The following DCC variants were observed in gnomAD, a reference collection of about 807,000 sequenced individuals.
The protein encoded by DCC is netrin receptor DCC.
Under a neutral mutation model 172.5 loss-of-function variants are expected in DCC, and 58 were observed. That is an observed-to-expected ratio of 0.34 (90% CI 0.27 to 0.42). The LOEUF (loss-of-function observed/expected upper bound fraction) is 0.42, where lower values mean the gene tolerates loss of function less well. Ranked by LOEUF, DCC falls within the 10% of genes least tolerant of loss-of-function variation. The pLI, the probability that DCC is intolerant of heterozygous loss-of-function variation, is 1.00. For missense variants in DCC, 1,740 were observed against 1,791.0 expected (o/e 0.97, Z 0.51); for synonymous variants, 709 against 644.5 (o/e 1.10, Z -1.52).
intron 1 of DCC, among the ~76,000 whole-genome samples, chr18:52,428,972 G>A (rs553734030): frequency 3.3e-5 from 5 of 151,984 alleles, no homozygotes; most frequent in Admixed American, 6.6e-5. Context: ...AAATATGCAC[G>A]TGGATGAATA....
At chr18:53,451,714 T>TCTCTCG (rs2045415731) in intron 23 of DCC, among the ~76,000 whole-genome samples, 1 of 151,458 alleles carries the variant, frequency 6.6e-6, no homozygotes, top group Non-Finnish European at 1.5e-5. Context: ...GCTCTTGCTC[T>TCTCTCG]CTCTCTCTCT....
At chr18:53,115,972 A>AG (rs2043403355) in intron 7 of DCC, among the ~76,000 whole-genome samples, 1 of 151,430 alleles carries the variant, frequency 6.6e-6, no homozygotes, top group Non-Finnish European at 1.5e-5. Context: ...AGCGGGGTTG[A>AG]GGGGGGTGCT....
At chr18:52,689,691 G>A (rs2035900035) in intron 1 of DCC, among the ~76,000 whole-genome samples, 1 of 152,052 alleles carries the variant, frequency 6.6e-6, no homozygotes, top group Admixed American at 6.6e-5. Context: ...AGAAAATATA[G>A]AAATAAATAG....
Position 53,306,719 on chromosome 18 carries a change from T to C in DCC, c.2053+1000T>C, listed in dbSNP as rs532741152. 7.2e-5 allele frequency among the ~76,000 whole-genome samples: 11 copies of C among 152,336 alleles called. No individual in the cohort carries two copies. In the South Asian group the frequency reaches 2.3e-3, roughly 32 times the overall value. ...GGTGTCTTTTTGTCAATCAACATTT[T>C]ATGTGATGGTGGCTTGGCCTAGGGT... is the stretch of plus-strand genomic sequence containing the variant. On this transcript the variant is annotated intron_variant, in intron 13 of 28. Coordinates refer to ENST00000442544, the MANE Select transcript of DCC (RefSeq NM_005215.4).
intron 15 of DCC, among the ~76,000 whole-genome samples, chr18:53,356,283 G>T (rs1190410889): frequency 6.6e-6 from 1 of 151,856 alleles, no homozygotes; most frequent in African/African-American, 2.4e-5. Flanking sequence ...CACTTTCATT[G>T]TTCATGTCTA....
intron 1 of DCC, among the ~76,000 whole-genome samples, chr18:52,721,979 G>A (rs1276658569): frequency 6.6e-6 from 1 of 152,122 alleles, no homozygotes; most frequent in Non-Finnish European, 1.5e-5. Flanking sequence ...AGCCGAGATT[G>A]CATCACTGCA....
intron 14 of DCC, among the ~76,000 whole-genome samples, chr18:53,332,184 G>A (rs2057535942): frequency 6.6e-6 from 1 of 152,160 alleles, no homozygotes; most frequent in Non-Finnish European, 1.5e-5. Flanking sequence ...AAGTAGAGCT[G>A]TCAAAACTCC....
At chr18:52,866,145 A>G (rs1424396766) in intron 2 of DCC, among the ~76,000 whole-genome samples, 3 of 152,232 alleles carry the variant, frequency 2.0e-5, no homozygotes, top group African/African-American at 7.2e-5. Context: ...TTTATTAAAT[A>G]AGGAATCCTT....
In DCC at chr18:53,305,661, G is replaced by T. The variant is rs754792818; in HGVS notation, c.1995G>T (p.Thr665=). 2 of 1,613,990 alleles carry T rather than the reference G, an allele frequency of 1.2e-6. No individual in the cohort carries two copies. Among genetic ancestry groups the T allele is most frequent in the Non-Finnish European group, 1.7e-6 (2 of 1,179,898 alleles). ...ITGYKIRHRK[T]TRRGEMETLE... is the part of the protein sequence containing the mutation. The stretch of plus-strand genomic sequence containing the variant: ...GCTATAAAATTCGACACAGAAAGAC[G>T]ACCCGCAGGGGTGAGATGGAAACAC... Residue 665 remains threonine (T), a synonymous_variant, in exon 13 of 29, where the codon ACG becomes ACT. Coordinates refer to ENST00000442544, the MANE Select transcript of DCC (RefSeq NM_005215.4).
At chr18:52,518,229 A>G (rs999871434) in intron 1 of DCC, among the ~76,000 whole-genome samples, 1 of 152,218 alleles carries the variant, frequency 6.6e-6, no homozygotes, top group East Asian at 1.9e-4. Flanking sequence ...CATGAGGCTG[A>G]GTAAATATGG....
At chr18:52,482,583 G>C (rs377470160) in intron 1 of DCC, among the ~76,000 whole-genome samples, 4 of 152,114 alleles carry the variant, frequency 2.6e-5, no homozygotes, top group Non-Finnish European at 4.4e-5. Context: ...GAGCAAGAAA[G>C]CTCTCTGGGG....
At chr18:53,396,614 C>A (rs1003124771) in intron 17 of DCC, among the ~76,000 whole-genome samples, 15 of 152,102 alleles carry the variant, frequency 9.9e-5, no homozygotes, top group African/African-American at 3.6e-4. Context: ...GAATGAAAAC[C>A]ATGTGACTCA....
chr18:52,936,041 G>T (rs900330855), intron 5 of DCC, among the ~76,000 whole-genome samples: 7 of 152,004 alleles, frequency 4.6e-5, no homozygotes, highest in African/African-American at 1.7e-4. Context: ...GAATCATACT[G>T]AAATGAGTTA....
intron 1 of DCC, among the ~76,000 whole-genome samples, chr18:52,391,275 A>G (rs1032333326): frequency 6.6e-6 from 1 of 152,096 alleles, no homozygotes; most frequent in African/African-American, 2.4e-5. Context: ...ATGAACACTT[A>G]GAAGGACCCT....
chr18:53,319,298 A>T (rs1370910835), intron 13 of DCC, among the ~76,000 whole-genome samples: 1 of 152,200 alleles, frequency 6.6e-6, no homozygotes, highest in African/African-American at 2.4e-5. Context: ...AAATGCCCCA[A>T]TTAAAATATA....
At chr18:53,374,636 A>T (rs2058091095) in intron 15 of DCC, among the ~76,000 whole-genome samples, 2 of 152,186 alleles carry the variant, frequency 1.3e-5, no homozygotes, top group Non-Finnish European at 2.9e-5. Context: ...TATAAAAGAT[A>T]GTCAACCATG....
chr18:52,797,698 G>T (rs1282092858), intron 2 of DCC, among the ~76,000 whole-genome samples: 3 of 152,166 alleles, frequency 2.0e-5, no homozygotes, highest in African/African-American at 7.2e-5. Flanking sequence ...CACCAGCAGT[G>T]GTAGGTAGGT....
intron 15 of DCC, among the ~76,000 whole-genome samples, chr18:53,342,743 A>G (rs1481588305): frequency 6.8e-6 from 1 of 147,378 alleles, no homozygotes; most frequent in Non-Finnish European, 1.5e-5. Flanking sequence ...ATATATATAT[A>G]TATATGGATA....
chr18:53,350,270 G>T (rs8094117), intron 15 of DCC, among the ~76,000 whole-genome samples: 1 of 152,120 alleles, frequency 6.6e-6, no homozygotes, highest in East Asian at 1.9e-4. Flanking sequence ...AAGATGTATC[G>T]GGAATTAAGT....
Sources: allele counts gnomAD v4.1 joint callset (sites outside exome capture counted in the v4.1 genomes callset), GRCh38; gene constraint gnomAD v4.1.1; transcripts MANE v1.5; gene names NCBI Gene and HGNC (gene_info 2026-07-23, HGNC 2026-07-21).